XDH: variants seen among roughly 807,000 people sequenced by gnomAD.
The protein encoded by XDH is xanthine dehydrogenase/oxidase.
XDH carries 138 observed loss-of-function variants against 156.1 expected under a neutral mutation model. The observed-to-expected ratio is 0.88, with a 90% CI of 0.77 to 1.02. The LOEUF is 1.02. Ranked by LOEUF, XDH falls within the 50% of genes least tolerant of loss-of-function variation. The probability of loss-of-function intolerance (pLI) is 0.00; values close to 1 mark genes in which losing one functional copy is unlikely to be tolerated. For synonymous variants in XDH, 669 were observed against 625.7 expected (o/e 1.07, Z -1.03); for missense variants, 1,849 against 1,684.9 (o/e 1.10, Z -1.71).
At position 31,368,608 on chromosome 2, in the gene XDH, T is replaced by C. The variant is rs1685986663; in HGVS notation, c.2033A>G (p.His678Arg). 6.2e-7 allele frequency: 1 copy of C among 1,614,230 alleles called. No individual in the cohort carries two copies. The highest frequency in any genetic ancestry group is 2.2e-5 in the East Asian group (1 of 44,886). The change falls in exon 19 of 36, where the codon CAC (histidine) becomes CGC (arginine). Residue 678 changes from histidine to arginine, a missense_variant. Physicochemically the swap from His to Arg is conservative, Grantham distance 29. Transcript: ENST00000379416. Reference protein sequence around the residue: ...IGAVVADTPEHTQRAAQGVKI... With the variant: ...IGAVVADTPERTQRAAQGVKI... ...CACCCCTTGGGCAGCTCTCTGTGTGTGTTCCGGGGTGTCAGCAACCACAGC... is the reference window on the plus strand; with the variant it reads ...CACCCCTTGGGCAGCTCTCTGTGTGCGTTCCGGGGTGTCAGCAACCACAGC...
intron 30 of XDH, among the ~76,000 whole-genome samples, chr2:31,344,984 G>A (rs1685242639): frequency 6.6e-6 from 1 of 152,152 alleles, no homozygotes; most frequent in Non-Finnish European, 1.5e-5. Context: ...CCCCAGCCCA[G>A]CCAGAGTGGC....
intron 24 of XDH, among the ~76,000 whole-genome samples, chr2:31,356,436 G>T (rs1374666410): frequency 3.3e-5 from 5 of 152,154 alleles, no homozygotes; most frequent in African/African-American, 1.2e-4. Flanking sequence ...CATTGGAGTG[G>T]ATCCTAAATG....
intron 24 of XDH, among the ~76,000 whole-genome samples, chr2:31,360,317 G>C (rs1161996078): frequency 6.6e-6 from 1 of 152,154 alleles, no homozygotes; most frequent in Non-Finnish European, 1.5e-5. Flanking sequence ...GGCCAACCTG[G>C]TGAAACCCCG....
chr2:31,380,136 A>AATCCTTAAGC (rs1164443020), intron 12 of XDH, among the ~76,000 whole-genome samples, 160 bp from the exon 13 acceptor site: 1 of 152,242 alleles, frequency 6.6e-6, no homozygotes, highest in Non-Finnish European at 1.5e-5. Flanking sequence ...CTCTCTCTGA[A>AATCCTTAAGC]ATCCTTAAGC....
intron 1 of XDH, among the ~76,000 whole-genome samples, chr2:31,410,649 A>T (rs936334532): frequency 6.6e-6 from 1 of 152,184 alleles, no homozygotes; most frequent in Non-Finnish European, 1.5e-5. Flanking sequence ...AGTGAGAAAA[A>T]CACATTACTT....
intron 1 of XDH, among the ~76,000 whole-genome samples, chr2:31,414,052 A>G (rs1337750187): frequency 6.6e-6 from 1 of 151,984 alleles, no homozygotes; most frequent in Non-Finnish European, 1.5e-5. Flanking sequence ...GGAATGCAGG[A>G]GATGCCCTTT....
intron 3 of XDH, among the ~76,000 whole-genome samples, chr2:31,401,814 C>T (rs1470538722): frequency 6.6e-6 from 1 of 152,224 alleles, no homozygotes; most frequent in Non-Finnish European, 1.5e-5. Context: ...CAACATGAGA[C>T]AGCAAGCCCT....
chr2:31,386,040 C>T lies in XDH; in HGVS notation c.793+374G>A, dbSNP rs575065322. 2.6e-5 allele frequency among the ~76,000 whole-genome samples: 4 copies of T among 152,352 alleles called. 1 individual carries two copies. In the South Asian group the frequency reaches 8.3e-4, roughly 32 times the overall value. ...CCCCTTCCAGAGTACCTGGCTCATG[C>T]TCGGTGCTCTGTAAATGTTTGTGGA... On this transcript the variant is annotated intron_variant, in intron 9 of 35. Transcript: ENST00000379416.
At chr2:31,395,614 A>C (rs1686881869) in intron 6 of XDH, among the ~76,000 whole-genome samples, 1 of 152,148 alleles carries the variant, frequency 6.6e-6, no homozygotes. Flanking sequence ...CCATGACTGC[A>C]TCCCCCTGGA....
intron 1 of XDH, among the ~76,000 whole-genome samples, chr2:31,407,544 G>A (rs1423890230): frequency 8.5e-5 from 13 of 152,138 alleles, no homozygotes. Flanking sequence ...CTCATATCAT[G>A]AGACATGCAT....
chr2:31,354,686 G>A (rs1372272215), intron 24 of XDH, among the ~76,000 whole-genome samples: 1 of 152,086 alleles, frequency 6.6e-6, no homozygotes, highest in Non-Finnish European at 1.5e-5. Flanking sequence ...AAGGGACATA[G>A]AAGAGAATCA....
At position 31,343,310 on chromosome 2, in the gene XDH, A is replaced by ATGTT. The variant is rs1553411672; in HGVS notation, c.3405-1014_3405-1013insAACA. ...CATATATATATATATATATATATATATATATATATATATATATGCATGTTT... is the reference window on the plus strand; with the variant it reads ...CATATATATATATATATATATATATATGTTTATATATATATATATATGCATGTTT... On this transcript the variant is annotated intron_variant, in intron 31 of 35. Transcript: ENST00000379416. Among the ~76,000 whole-genome samples, 37 of 102,230 alleles carry ATGTT rather than the reference A, an allele frequency of 3.6e-4. 1 individual carries two copies. In the East Asian group the frequency reaches 5.7e-3, roughly 16 times the overall value. 67.1% of individuals were successfully genotyped at this position (102,230 alleles called of 152,430 possible).
intron 10 of XDH, among the ~76,000 whole-genome samples, 175 bp from the exon 11 acceptor site, chr2:31,383,327 A>G (rs537335267): frequency 1.1e-4 from 16 of 152,176 alleles, no homozygotes; most frequent in Non-Finnish European, 2.4e-4. Flanking sequence ...CCAATGCCAC[A>G]CAGCTAATAA....
chr2:31,380,920 C>T (rs745395866), intron 12 of XDH, among the ~76,000 whole-genome samples: 1 of 152,140 alleles, frequency 6.6e-6, no homozygotes, highest in Non-Finnish European at 1.5e-5. Flanking sequence ...GAAGTACTTA[C>T]GAAGTGATGA....
rs746738202 is a variant in XDH, at chr2:31,339,472, A to T, written c.3774+17T>A. On this transcript the variant is annotated intron_variant, in intron 34 of 35. Coordinates refer to ENST00000379416, the MANE Select transcript of XDH (RefSeq NM_000379.4). ...GGGCAGATCAGAAGAGACAGCACAGAGCCAGAGCAATGGTACCTTCGATGC... is the reference window on the plus strand; with the variant it reads ...GGGCAGATCAGAAGAGACAGCACAGTGCCAGAGCAATGGTACCTTCGATGC... 4.2e-5 allele frequency: 67 copies of T among 1,613,494 alleles called. No homozygotes were observed. Among genetic ancestry groups the T allele is most frequent in the Non-Finnish European group, 5.4e-5 (64 of 1,180,038 alleles).
At chr2:31,365,643 C>T (rs1685893879) in intron 22 of XDH, 99 bp from the exon 23 acceptor site, 20 of 1,399,838 alleles carry the variant, frequency 1.4e-5, no homozygotes, top group Admixed American at 6.7e-5. Context: ...ATCTTTTCCA[C>T]CTGCACGCTG....
intron 8 of XDH, among the ~76,000 whole-genome samples, chr2:31,387,596 CTG>C (rs1355214184): frequency 6.6e-6 from 1 of 152,146 alleles, no homozygotes; most frequent in East Asian, 1.9e-4. Context: ...AAATTAATAA[CTG>C]TAACTGTGAC....
intron 29 of XDH, 39 bp downstream of exon 29, chr2:31,347,483 G>T (rs758122636): frequency 6.2e-7 from 1 of 1,612,460 alleles, no homozygotes; most frequent in Non-Finnish European, 8.5e-7. Flanking sequence ...ACAGCTCTGG[G>T]CTGGCCCTCT....
At chr2:31,385,906 G>A (rs1028120921) in intron 9 of XDH, among the ~76,000 whole-genome samples, 2 of 152,152 alleles carry the variant, frequency 1.3e-5, no homozygotes, top group Non-Finnish European at 2.9e-5. Flanking sequence ...AACCTCTAGT[G>A]TCCATCAGCC....
Sources: gnomAD v4.1 joint callset for allele counts (sites outside exome capture counted in the v4.1 genomes callset) on GRCh38, gnomAD v4.1.1 for gene constraint, MANE v1.5 for transcripts, NCBI Gene and HGNC (gene_info 2026-07-23, HGNC 2026-07-21) for gene names.